MLLT3: variants seen among roughly 807,000 people sequenced by gnomAD.
MLLT3 encodes protein AF-9.
A neutral mutation model predicts 53.2 loss-of-function variants in MLLT3; 4 were observed. The ratio of observed to expected loss-of-function variants is 0.08; its 90% CI spans 0.04 to 0.17. The LOEUF (loss-of-function observed/expected upper bound fraction) is 0.17, where lower values mean the gene tolerates loss of function less well. Among genes scored for constraint, MLLT3 ranks in the 10% least tolerant of loss-of-function variants. The probability of loss-of-function intolerance (pLI) is 1.00; values close to 1 mark genes in which losing one functional copy is unlikely to be tolerated. For synonymous variants in MLLT3, 283 were observed against 230.6 expected, an observed-to-expected ratio of 1.23 and a Z score of -2.06; for missense variants, 569 against 684.0, an observed-to-expected ratio of 0.83 and a Z score of 1.87.
chr9:20,386,171 T>G (rs1822031670), intron 5 of MLLT3, among the ~76,000 whole-genome samples: 1 of 152,316 alleles, frequency 6.6e-6, no homozygotes, highest in East Asian at 1.9e-4. Flanking sequence ...TTACATAATG[T>G]TATCTGAAAT....
chr9:20,604,577 A>G (rs994148296), intron 2 of MLLT3, among the ~76,000 whole-genome samples: 8 of 152,074 alleles, frequency 5.3e-5, no homozygotes, highest in African/African-American at 1.4e-4. Context: ...TCATAGTCAT[A>G]TAGATTCATA....
chr9:20,391,257 A>G (rs1057440428), intron 5 of MLLT3, among the ~76,000 whole-genome samples: 2 of 152,192 alleles, frequency 1.3e-5, no homozygotes, highest in Non-Finnish European at 2.9e-5. Flanking sequence ...TAAGTGACTG[A>G]TTATCTGTGT....
At chr9:20,422,494 G>A (rs943961821) in intron 4 of MLLT3, among the ~76,000 whole-genome samples, 7 of 152,106 alleles carry the variant, frequency 4.6e-5, no homozygotes, top group African/African-American at 1.4e-4. Flanking sequence ...CACACTTACA[G>A]AAATACAAAT....
chr9:20,609,577 C>T (rs1490450974), intron 2 of MLLT3, among the ~76,000 whole-genome samples: 6 of 152,044 alleles, frequency 3.9e-5, no homozygotes, highest in Admixed American at 3.3e-4. Context: ...AAAAACCCAA[C>T]GATCTAATGG....
chr9:20,387,385 T>C (rs949214060), intron 5 of MLLT3, among the ~76,000 whole-genome samples: 1 of 152,250 alleles, frequency 6.6e-6, no homozygotes, highest in Non-Finnish European at 1.5e-5. Context: ...TTGGTGAACT[T>C]TGTTACATCA....
At chr9:20,409,549 G>A (rs1822670857) in intron 5 of MLLT3, among the ~76,000 whole-genome samples, 3 of 152,186 alleles carry the variant, frequency 2.0e-5, no homozygotes, top group African/African-American at 7.2e-5. Flanking sequence ...AGTAAGTACA[G>A]TGGAATATCA....
chr9:20,611,127 A>G lies in MLLT3; in HGVS notation c.193+9527T>C, dbSNP rs547917837. Among the ~76,000 whole-genome samples, 11 of 152,276 alleles carry G rather than the reference A, an allele frequency of 7.2e-5. No individual in the cohort carries two copies. The East Asian group carries it at 1.7e-3, about 24-fold the overall frequency. On this transcript the variant is annotated intron_variant, in intron 2 of 10. Coordinates refer to ENST00000380338, the MANE Select transcript of MLLT3 (RefSeq NM_004529.4). ...TTGTGGTAAAGGGTAAAGATGATAT[A>G]AAGTCTACAATGAACCTGGTTTTTA... is the stretch of plus-strand genomic sequence containing the variant.
chr9:20,533,220 C>T (rs1289400601), intron 2 of MLLT3: 6 of 323,090 alleles, frequency 1.9e-5, no homozygotes, highest in Non-Finnish European at 3.7e-5. Flanking sequence ...TGGAAGCCAT[C>T]AGGACCAATT....
chr9:20,590,873 T>C (rs529035319), intron 2 of MLLT3, among the ~76,000 whole-genome samples: 1 of 152,096 alleles, frequency 6.6e-6, no homozygotes, highest in East Asian at 1.9e-4. Context: ...GTAGTTGGGA[T>C]GGATGATGGA....
At chr9:20,578,894 T>C (rs1819720917) in intron 2 of MLLT3, among the ~76,000 whole-genome samples, 1 of 152,190 alleles carries the variant, frequency 6.6e-6, no homozygotes, top group Non-Finnish European at 1.5e-5. Flanking sequence ...ATATATTCAG[T>C]TAAATAAATT....
At chr9:20,426,028 T>A (rs1201436760) in intron 4 of MLLT3, among the ~76,000 whole-genome samples, 1 of 152,190 alleles carries the variant, frequency 6.6e-6, no homozygotes, top group East Asian at 1.9e-4. Flanking sequence ...CAAATGACTA[T>A]GACTTGTTTC....
At chr9:20,350,439 C>CA (rs532825702) in intron 10 of MLLT3, among the ~76,000 whole-genome samples, 2 of 151,564 alleles carry the variant, frequency 1.3e-5, no homozygotes, top group South Asian at 2.1e-4. Flanking sequence ...ACTAAAAATA[C>CA]AAAAAATTAG....
intron 2 of MLLT3, among the ~76,000 whole-genome samples, chr9:20,524,236 G>C (rs796191633): frequency 6.6e-6 from 1 of 151,870 alleles, no homozygotes; most frequent in African/African-American, 2.4e-5. Flanking sequence ...GGTTACATAG[G>C]AAATCTCTGT....
chr9:20,551,543 A>G (rs1221347745), intron 2 of MLLT3, among the ~76,000 whole-genome samples: 1 of 152,226 alleles, frequency 6.6e-6, no homozygotes, highest in African/African-American at 2.4e-5. Context: ...GAATGTAACA[A>G]TCAGCCTTTC....
At chr9:20,597,108 G>C (rs1299496205) in intron 2 of MLLT3, among the ~76,000 whole-genome samples, 1 of 151,864 alleles carries the variant, frequency 6.6e-6, no homozygotes, top group South Asian at 2.1e-4. Context: ...CAAGTACGTA[G>C]AAATACTATC....
chr9:20,364,684 T>A (rs1031009810), intron 6 of MLLT3, among the ~76,000 whole-genome samples: 1 of 152,188 alleles, frequency 6.6e-6, no homozygotes, highest in Non-Finnish European at 1.5e-5. Flanking sequence ...TTTATTTTAT[T>A]TTTTTCCTGG....
At chr9:20,453,485 C>T (rs143194604) in intron 3 of MLLT3, among the ~76,000 whole-genome samples, 60 of 152,258 alleles carry the variant, frequency 3.9e-4, no homozygotes, top group Middle Eastern at 6.8e-3. Flanking sequence ...ATCACTTGAT[C>T]TCAGGAAGTG....
chr9:20,491,335 G>T (rs1390848069), intron 2 of MLLT3, among the ~76,000 whole-genome samples: 2 of 151,950 alleles, frequency 1.3e-5, no homozygotes, highest in Admixed American at 1.3e-4. Flanking sequence ...AACCATGTGA[G>T]AGAGTTTTTT....
intron 5 of MLLT3, among the ~76,000 whole-genome samples, chr9:20,368,260 T>A (rs138940446): frequency 6.6e-6 from 1 of 152,236 alleles, no homozygotes; most frequent in Non-Finnish European, 1.5e-5. Flanking sequence ...TTGGCATTTA[T>A]GTGCACTGCC....
Sources: allele counts gnomAD v4.1 joint callset (sites outside exome capture counted in the v4.1 genomes callset), GRCh38; gene constraint gnomAD v4.1.1; transcripts MANE v1.5; gene names NCBI Gene and HGNC (gene_info 2026-07-23, HGNC 2026-07-21).